The following TJP2 variants were observed in gnomAD, a reference collection of about 807,000 sequenced individuals.
The protein encoded by TJP2 is Friedreich ataxia region gene X104 (tight junction protein ZO-2).
A neutral mutation model predicts 133.1 loss-of-function variants in TJP2; 91 were observed. The ratio of observed to expected loss-of-function variants is 0.68; its 90% CI spans 0.58 to 0.81. The LOEUF (loss-of-function observed/expected upper bound fraction) is 0.81, where lower values mean the gene tolerates loss of function less well. Ranked by LOEUF, TJP2 falls within the 40% of genes least tolerant of loss-of-function variation. The pLI, the probability that TJP2 is intolerant of heterozygous loss-of-function variation, is 0.00. For missense variants in TJP2, 1,541 were observed against 1,565.6 expected (o/e 0.98, Z 0.26); for synonymous variants, 592 against 583.4 (o/e 1.01, Z -0.21).
At chr9:69,122,730 A>G (rs1416786109) in intron 1 of TJP2, among the ~76,000 whole-genome samples, 1 of 152,178 alleles carries the variant, frequency 6.6e-6, no homozygotes, top group Non-Finnish European at 1.5e-5. Context: ...GAGTATCTCA[A>G]CTATCCTTAT....
chr9:69,203,020 C>T (rs1221917835), intron 1 of TJP2, among the ~76,000 whole-genome samples: 1 of 152,204 alleles, frequency 6.6e-6, no homozygotes, highest in Non-Finnish European at 1.5e-5. Context: ...TAGGACACCT[C>T]TGACTTCTGG....
chr9:69,121,839 C>G (rs1278557929), intron 1 of TJP2: 1 of 152,420 alleles, frequency 6.6e-6, no homozygotes, highest in African/African-American at 2.4e-5. Flanking sequence ...TGCCTTCCCT[C>G]CTGTCCCGAC....
At chr9:69,177,475 A>C (rs141723195) in intron 1 of TJP2, among the ~76,000 whole-genome samples, 2 of 152,190 alleles carry the variant, frequency 1.3e-5, no homozygotes, top group Non-Finnish European at 2.9e-5. Flanking sequence ...GAATTTTTGC[A>C]ATCAGCCTTT....
At chr9:69,156,144 C>T (rs1214730732) in intron 2 of TJP2, among the ~76,000 whole-genome samples, 3 of 152,114 alleles carry the variant, frequency 2.0e-5, no homozygotes, top group Non-Finnish European at 2.9e-5. Flanking sequence ...GCTGGAAGAT[C>T]GCTTGAGGCC....
intron 1 of TJP2, among the ~76,000 whole-genome samples, chr9:69,143,940 C>T (rs1165670363): frequency 6.6e-6 from 1 of 152,152 alleles, no homozygotes; most frequent in Non-Finnish European, 1.5e-5. Flanking sequence ...TACCTTATTA[C>T]AATTTAAAAG....
At chr9:69,162,437 C>A (rs1363382676) in intron 2 of TJP2, among the ~76,000 whole-genome samples, 2 of 152,058 alleles carry the variant, frequency 1.3e-5, no homozygotes, top group Non-Finnish European at 2.9e-5. Flanking sequence ...CTTATGAATT[C>A]TGCGTGAGTC....
chr9:69,139,232 C>A (rs1013306207), intron 1 of TJP2, among the ~76,000 whole-genome samples: 7 of 152,106 alleles, frequency 4.6e-5, no homozygotes, highest in Admixed American at 2.6e-4. Context: ...AACCAACCAA[C>A]CAAACAAAAT....
intron 17 of TJP2, 62 bp from the exon 18 acceptor site, chr9:69,246,628 A>G (rs1217197485): frequency 6.6e-6 from 9 of 1,367,416 alleles, no homozygotes; most frequent in Non-Finnish European, 9.4e-6. Flanking sequence ...TATGTCAAAT[A>G]GCATCCTTAA....
chr9:69,238,909 CG>C (rs1830389451), intron 16 of TJP2, 120 bp downstream of exon 16: 1 of 907,574 alleles, frequency 1.1e-6, no homozygotes, highest in South Asian at 1.4e-5. Flanking sequence ...AAAAATTGGC[CG>C]GGCACAGTGG....
chr9:69,136,155 A>G (rs537599173), intron 1 of TJP2, among the ~76,000 whole-genome samples: 1 of 152,274 alleles, frequency 6.6e-6, no homozygotes, highest in Admixed American at 6.5e-5. Context: ...GGTCCATAGA[A>G]CCAATAGCAG....
At chr9:69,196,186 A>G (rs1244543191) in intron 1 of TJP2, among the ~76,000 whole-genome samples, 9 of 152,186 alleles carry the variant, frequency 5.9e-5, no homozygotes, top group Admixed American at 1.3e-4. Context: ...GGAAGGCACA[A>G]TAGGTGTATA....
chr9:69,141,334 C>T lies in TJP2; in HGVS notation c.-130-10317C>T, dbSNP rs186133318. On this transcript the variant is annotated intron_variant, in intron 1 of 5. Coordinates refer to the TJP2 transcript ENST00000423935. ...TAAGGGAGGGCCTCCCCAGTTGGCC[C>T]ACCAGAGCCAGGCCCCTTTCCTCTG... Among the ~76,000 whole-genome samples, 431 of 152,300 alleles carry T rather than the reference C, an allele frequency of 2.8e-3. 1 individual carries two copies. The highest frequency in any genetic ancestry group is 0.01 in the African/African-American group (418 of 41,576).
chr9:69,151,582 G>T, intron 1 of TJP2: 9 of 1,230,136 alleles, frequency 7.3e-6, no homozygotes, highest in Non-Finnish European at 8.1e-6. Flanking sequence ...GGACTTCAGT[G>T]CATTTCCCAA....
At chr9:69,249,557 G>A (rs1831181879) in intron 20 of TJP2, 72 bp downstream of exon 20, 3 of 1,551,388 alleles carry the variant, frequency 1.9e-6, no homozygotes, top group Admixed American at 3.9e-5. Flanking sequence ...GGACGGCCAG[G>A]GAGGAGCATG....
At chr9:69,157,569 A>G (rs4744837) in intron 2 of TJP2, among the ~76,000 whole-genome samples, 125,464 of 151,602 alleles carry the variant, frequency 0.83, 51,998 homozygotes, top group Admixed American at 0.84. Context: ...GGGTTCAAGC[A>G]ATTCTCCTGC....
intron 1 of TJP2, among the ~76,000 whole-genome samples, chr9:69,134,989 G>GAGAC (rs1822665640): frequency 6.6e-6 from 1 of 151,552 alleles, no homozygotes. Flanking sequence ...GAGAGAGAGA[G>GAGAC]AGAGAGATCT....
chr9:69,188,437 G>A (rs1825997410), intron 1 of TJP2, among the ~76,000 whole-genome samples: 2 of 152,196 alleles, frequency 1.3e-5, no homozygotes, highest in Admixed American at 1.3e-4. Flanking sequence ...TGATGAATTT[G>A]AAACCTGTAG....
chr9:69,252,241 C>T (rs1436342170), intron 21 of TJP2, among the ~76,000 whole-genome samples: 5 of 152,142 alleles, frequency 3.3e-5, no homozygotes, highest in Admixed American at 2.0e-4. Flanking sequence ...GCAATGCACC[C>T]TCCTCAGCCT....
chr9:69,223,069 G>GGAAA (rs1405334479), intron 5 of TJP2, among the ~76,000 whole-genome samples: 4 of 114,120 alleles, frequency 3.5e-5, no homozygotes, highest in African/African-American at 1.2e-4. Context: ...ACTCTGTCTT[G>GGAAA]AAAAAAAAAA....
Sources: allele counts gnomAD v4.1 joint callset (sites outside exome capture counted in the v4.1 genomes callset), GRCh38; gene constraint gnomAD v4.1.1; transcripts MANE v1.5; gene names NCBI Gene and HGNC (gene_info 2026-07-23, HGNC 2026-07-21).